Variants in CELF2 observed in about 807,000 individuals in gnomAD.
The protein encoded by CELF2 is CUGBP Elav-like family member 2.
A neutral mutation model predicts 62.6 loss-of-function variants in CELF2; 8 were observed. The ratio of observed to expected loss-of-function variants is 0.13; its 90% CI spans 0.07 to 0.23. CELF2 has a LOEUF of 0.23. Among genes scored for constraint, CELF2 ranks in the 10% least tolerant of loss-of-function variants. CELF2 has a pLI of 1.00. For synonymous variants in CELF2, 258 were observed against 250.0 expected (o/e 1.03, Z -0.30); for missense variants, 333 against 671.0 (o/e 0.50, Z 5.56).
At chr10:11,079,741 GC>G (rs11333486) in intron 1 of CELF2, among the ~76,000 whole-genome samples, 20,854 of 110,564 alleles carry the variant, frequency 0.19, 2,859 homozygotes, top group East Asian at 0.72. Context: ...GACTAATACA[GC>G]CCCCCCCCCC....
intron 2 of CELF2, among the ~76,000 whole-genome samples, chr10:10,988,692 A>C (rs1380174218): frequency 2.0e-5 from 3 of 152,200 alleles, no homozygotes; most frequent in Non-Finnish European, 4.4e-5. Context: ...TTAAGCCCTT[A>C]TTCCTAAGAG....
chr10:11,325,779 A>T, intron 11 of CELF2, 57 bp from the exon 12 acceptor site: 1 of 1,489,728 alleles, frequency 6.7e-7, no homozygotes, highest in Non-Finnish European at 9.1e-7. Flanking sequence ...CTAAGAAGGG[A>T]CTTTGGAAAC....
the CELF2 span, among the ~76,000 whole-genome samples, chr10:10,466,561 C>T: frequency 3.3e-5 from 5 of 152,038 alleles, no homozygotes; most frequent in Non-Finnish European, 7.4e-5. Context: ...CTCAGGTAAA[C>T]AGCTAGAATT....
the CELF2 span, among the ~76,000 whole-genome samples, chr10:10,546,404 GA>G: frequency 6.6e-6 from 1 of 152,188 alleles, no homozygotes; most frequent in Non-Finnish European, 1.5e-5. Context: ...TGGTTAACTG[GA>G]ACTAGTTAGT....
chr10:11,051,450 C>T (rs567995449), intron 1 of CELF2, among the ~76,000 whole-genome samples: 25 of 152,182 alleles, frequency 1.6e-4, no homozygotes, highest in Admixed American at 2.6e-4. Context: ...CTCTCTTGCT[C>T]GTCTGGCTTA....
chr10:11,075,442 TATACAG>T lies in CELF2; in HGVS notation c.74+57285_74+57290del, dbSNP rs1263878094. 6.6e-6 allele frequency: 1 copy of T among 152,192 alleles called. No individual in the cohort carries two copies. Among genetic ancestry groups the T allele is most frequent in the Non-Finnish European group, 1.5e-5 (1 of 68,044 alleles). 9.4% of individuals were successfully genotyped at this position (152,192 alleles called of 1,614,324 possible). On this transcript the variant is annotated intron_variant, in intron 1 of 12. Coordinates refer to ENST00000633077, the MANE Select transcript of CELF2 (RefSeq NM_001326342.2). The surrounding 1 kb of genome is among the most constrained non-coding windows in gnomAD (Gnocchi z 5.4). Reference sequence around the variant, plus strand: ...AGTAACGTATGGAGAGCAGTCCTGGTATACAGATACATGTACGATGTGATAAAGTTT... The same window carrying T: ...AGTAACGTATGGAGAGCAGTCCTGGTATACATGTACGATGTGATAAAGTTT...
intron 2 of CELF2, among the ~76,000 whole-genome samples, chr10:11,195,357 G>A (rs2057182705): frequency 6.6e-6 from 1 of 152,216 alleles, no homozygotes; most frequent in South Asian, 2.1e-4. Flanking sequence ...AAGGCAGTGA[G>A]TAAAATGAGG....
At chr10:11,103,510 T>C (rs1352068105) in intron 1 of CELF2, among the ~76,000 whole-genome samples, 50 of 140,834 alleles carry the variant, frequency 3.6e-4, no homozygotes, top group African/African-American at 1.3e-3. Flanking sequence ...TTTTTTTTAC[T>C]GTGAACTCTG....
intron 2 of CELF2, among the ~76,000 whole-genome samples, chr10:11,197,057 G>GAAGAGAGAAGGTAAA (rs1565233433): frequency 2.7e-5 from 1 of 37,448 alleles, no homozygotes; most frequent in Non-Finnish European, 5.1e-5. Context: ...AAGAAAGAAA[G>GAAGAGAGAAGGTAAA]AAAAGAAAGA....
intron 1 of CELF2, among the ~76,000 whole-genome samples, chr10:11,078,768 A>G (rs1181163248): frequency 6.6e-5 from 10 of 152,176 alleles, no homozygotes; most frequent in African/African-American, 1.9e-4. Context: ...TACCTATTAC[A>G]TATTCTTGAC....
chr10:10,856,379 C>G (rs1334675641), intron 1 of CELF2, among the ~76,000 whole-genome samples: 1 of 152,048 alleles, frequency 6.6e-6, no homozygotes. Context: ...TGTTTGATCT[C>G]TATGGGTATG....
the CELF2 span, among the ~76,000 whole-genome samples, chr10:10,618,230 A>G: frequency 6.6e-6 from 1 of 151,948 alleles, no homozygotes; most frequent in Non-Finnish European, 1.5e-5. Context: ...CTTAAAATCA[A>G]TTTTTGGCTC....
the CELF2 span, among the ~76,000 whole-genome samples, chr10:10,510,998 A>G: frequency 6.6e-6 from 1 of 152,234 alleles, no homozygotes; most frequent in Non-Finnish European, 1.5e-5. Context: ...GAGAGGTGGC[A>G]TCAGCAGGCT....
the CELF2 span, among the ~76,000 whole-genome samples, chr10:10,705,093 G>A: frequency 6.6e-6 from 1 of 152,046 alleles, no homozygotes; most frequent in Non-Finnish European, 1.5e-5. Context: ...GTCTGAGGTC[G>A]GAAGATCGCT....
the CELF2 span, among the ~76,000 whole-genome samples, chr10:10,478,335 A>G: frequency 6.6e-6 from 1 of 152,206 alleles, no homozygotes; most frequent in Non-Finnish European, 1.5e-5. Flanking sequence ...TATTTTTATC[A>G]TTAAGTATAT....
chr10:10,897,097 G>T (rs1337179972), intron 1 of CELF2, among the ~76,000 whole-genome samples: 1 of 152,162 alleles, frequency 6.6e-6, no homozygotes, highest in Non-Finnish European at 1.5e-5. Context: ...GAGATTATTG[G>T]TAGAAATACA....
chr10:10,894,321 G>A lies in CELF2; in HGVS notation c.54-25643G>A, dbSNP rs145008174. On this transcript the variant is annotated intron_variant, in intron 1 of 13. Transcript: ENST00000636488. ...GCTGGTACCATGTTACTCGATTTCC[G>A]ATGATGAATCCTCTCACCAGCTCAA... Among the ~76,000 whole-genome samples the A allele has an allele frequency of 2.4e-4, 36 of 152,274 alleles. No individual in the cohort carries two copies. In the East Asian group the frequency reaches 4.4e-3, roughly 19 times the overall value.
chr10:10,897,654 G>A (rs956951896), intron 1 of CELF2, among the ~76,000 whole-genome samples: 4 of 152,092 alleles, frequency 2.6e-5, no homozygotes, highest in Admixed American at 6.5e-5. Flanking sequence ...AATAGAGATG[G>A]GTCATCCAGG....
the CELF2 span, among the ~76,000 whole-genome samples, chr10:10,776,812 A>G: frequency 7.2e-5 from 11 of 152,336 alleles, no homozygotes; most frequent in African/African-American, 2.6e-4. Flanking sequence ...AATGATCTGA[A>G]GACAGCTTCT....
Sources: allele counts gnomAD v4.1 joint callset (sites outside exome capture counted in the v4.1 genomes callset), GRCh38; gene constraint gnomAD v4.1.1; non-coding constraint Gnocchi (gnomAD v3.1); transcripts MANE v1.5; gene names NCBI Gene and HGNC (gene_info 2026-07-23, HGNC 2026-07-21).